NBEA: variants seen among roughly 807,000 people sequenced by gnomAD.
NBEA encodes the protein neurobeachin.
NBEA carries 44 observed loss-of-function variants against 343.4 expected under a neutral mutation model. The observed-to-expected ratio is 0.13, with a 90% CI of 0.10 to 0.16. The LOEUF is 0.16. Among genes scored for constraint, NBEA ranks in the 10% least tolerant of loss-of-function variants. The pLI is 1.00. For synonymous variants in NBEA, 1,175 were observed against 1,238.7 expected (o/e 0.95, Z 1.08); for missense variants, 2,555 against 3,631.3 (o/e 0.70, Z 7.62).
chr13:35,389,951 T>G (rs2042418976), intron 38 of NBEA, among the ~76,000 whole-genome samples: 1 of 145,284 alleles, frequency 6.9e-6, no homozygotes, highest in African/African-American at 2.5e-5. Flanking sequence ...GTCATTTCTA[T>G]GGTTTATGTC....
intron 1 of NBEA, among the ~76,000 whole-genome samples, chr13:35,017,592 A>C (rs1051546411): frequency 1.3e-5 from 2 of 152,206 alleles, no homozygotes; most frequent in Non-Finnish European, 2.9e-5. Flanking sequence ...ATGTGCTTAC[A>C]GAACATTTTT....
intron 11 of NBEA, among the ~76,000 whole-genome samples, chr13:35,108,950 A>G (rs118005961): frequency 0.015 from 2,277 of 152,180 alleles, 30 homozygotes; most frequent in Non-Finnish European, 0.023. Flanking sequence ...TTTTATTTCT[A>G]TGTCTAAGAT....
Position 35,106,494 on chromosome 13 carries a change from T to A in NBEA, c.1681-2796T>A, listed in dbSNP as rs144948454. 6.2e-4 allele frequency among the ~76,000 whole-genome samples: 94 copies of A among 152,016 alleles called. 1 individual carries two copies. The highest frequency in any genetic ancestry group is 2.1e-3 in the African/African-American group (86 of 41,556). ...GGAGGATAAAAGATGAATAAGATAATATCCTTTCTTATATTAGGAAAGAGA... is the reference window on the plus strand; with the variant it reads ...GGAGGATAAAAGATGAATAAGATAAAATCCTTTCTTATATTAGGAAAGAGA... On this transcript the variant is annotated intron_variant, in intron 11 of 58. Coordinates refer to ENST00000379939, the MANE Select transcript of NBEA (RefSeq NM_001385012.1).
At chr13:34,992,212 GTGTGTGTATA>G (rs1169523730) in intron 1 of NBEA, among the ~76,000 whole-genome samples, 304 of 136,508 alleles carry the variant, frequency 2.2e-3, no homozygotes, top group African/African-American at 6.8e-3. Flanking sequence ...GTGTGTGTGT[GTGTGTGTATA>G]TGTGTGTGTG....
At chr13:35,104,835 G>A (rs962427261) in intron 11 of NBEA, among the ~76,000 whole-genome samples, 36 of 151,946 alleles carry the variant, frequency 2.4e-4, no homozygotes, top group African/African-American at 7.2e-4. Flanking sequence ...GTTATCCAGC[G>A]TATTCAATAG....
chr13:35,266,571 AGTAAGCCAG>A (rs1213568100), intron 34 of NBEA, among the ~76,000 whole-genome samples: 1 of 151,834 alleles, frequency 6.6e-6, no homozygotes, highest in East Asian at 1.9e-4. Context: ...TGTTAAATGA[AGTAAGCCAG>A]GCAGAGAAAG....
At chr13:35,331,807 T>C (rs961840668) in intron 36 of NBEA, among the ~76,000 whole-genome samples, 1 of 152,080 alleles carries the variant, frequency 6.6e-6, no homozygotes, top group Non-Finnish European at 1.5e-5. Flanking sequence ...AACTATTTTC[T>C]GTTTCTGTTT....
chr13:35,562,959 A>G (rs2079934901), intron 44 of NBEA, among the ~76,000 whole-genome samples: 1 of 152,064 alleles, frequency 6.6e-6, no homozygotes, highest in Admixed American at 6.6e-5. Flanking sequence ...GTTTAATTAA[A>G]AAGTTTTTTT....
chr13:35,385,395 T>G (rs986215436), intron 38 of NBEA, among the ~76,000 whole-genome samples: 2 of 152,188 alleles, frequency 1.3e-5, no homozygotes, highest in Admixed American at 1.3e-4. Context: ...ATTAATATTT[T>G]ATTTTATTTA....
chr13:35,211,315 T>C, intron 33 of NBEA, 136 bp downstream of exon 33: 2 of 791,514 alleles, frequency 2.5e-6, no homozygotes, highest in Non-Finnish European at 3.9e-6. Flanking sequence ...AATTCTGATA[T>C]TTTTGGCTAG....
chr13:35,447,975 C>CG (rs1483437577), intron 39 of NBEA, among the ~76,000 whole-genome samples: 5 of 152,144 alleles, frequency 3.3e-5, no homozygotes, highest in Admixed American at 3.3e-4. Flanking sequence ...GAATGAAACT[C>CG]TAATTCATAA....
chr13:35,197,882 T>C (rs1490299159), intron 31 of NBEA, among the ~76,000 whole-genome samples: 1 of 152,174 alleles, frequency 6.6e-6, no homozygotes, highest in African/African-American at 2.4e-5. Context: ...GTCTTGAAAA[T>C]CTGTTGTGGA....
chr13:35,171,292 A>G lies in NBEA; in HGVS notation c.4263A>G (p.Glu1421=). The stretch of plus-strand genomic sequence containing the variant: ...TAAAGACGGAATTGGAAAATATTGA[A>G]GTGACACAAGGCATGTCAGCTGAGA... ...TGSKTELENI[E]VTQGMSAETA... is the part of the protein sequence containing the mutation. The change falls in exon 26 of 59, where the codon GAA becomes GAG. Residue 1421 remains glutamate, a synonymous_variant. Coordinates refer to ENST00000379939, the MANE Select transcript of NBEA (RefSeq NM_001385012.1). The G allele has an allele frequency of 6.2e-7, 1 of 1,610,668 alleles. No homozygotes were observed. Among genetic ancestry groups the G allele is most frequent in the Non-Finnish European group, 8.5e-7 (1 of 1,178,052 alleles).
intron 27 of NBEA, among the ~76,000 whole-genome samples, chr13:35,176,692 A>T (rs139035439): frequency 4.0e-4 from 61 of 152,110 alleles, no homozygotes; most frequent in African/African-American, 1.3e-3. Flanking sequence ...AACTAGAGGT[A>T]GAGAAATGAG....
chr13:35,300,223 G>A (rs1204897782), intron 35 of NBEA, among the ~76,000 whole-genome samples: 5 of 152,074 alleles, frequency 3.3e-5, no homozygotes. Flanking sequence ...ACTCAGGAGG[G>A]TGAGGCAGGG....
At chr13:35,067,125 A>G (rs1001081497) in intron 8 of NBEA, among the ~76,000 whole-genome samples, 1 of 152,150 alleles carries the variant, frequency 6.6e-6, no homozygotes, top group Non-Finnish European at 1.5e-5. Flanking sequence ...CGAACCCAAC[A>G]TGACGTAATT....
intron 34 of NBEA, among the ~76,000 whole-genome samples, chr13:35,242,901 C>G (rs1303786469): frequency 2.0e-5 from 3 of 151,720 alleles, no homozygotes; most frequent in African/African-American, 7.3e-5. Context: ...ACGAGAAATG[C>G]TAAAGGGAGT....
intron 38 of NBEA, among the ~76,000 whole-genome samples, chr13:35,416,534 A>G (rs1209157396): frequency 6.6e-6 from 1 of 152,196 alleles, no homozygotes; most frequent in African/African-American, 2.4e-5. Flanking sequence ...ATGATGGATT[A>G]CATTTATTGA....
chr13:35,585,463 G>C (rs901275712), intron 46 of NBEA, among the ~76,000 whole-genome samples: 1 of 151,828 alleles, frequency 6.6e-6, no homozygotes, highest in Admixed American at 6.6e-5. Flanking sequence ...ACCCTCTCCT[G>C]GTTTGCCTCC....
Sources: gnomAD v4.1 joint callset for allele counts (sites outside exome capture counted in the v4.1 genomes callset) on GRCh38, gnomAD v4.1.1 for gene constraint, MANE v1.5 for transcripts, NCBI Gene and HGNC (gene_info 2026-07-23, HGNC 2026-07-21) for gene names.